GNAO1: variants seen among roughly 807,000 people sequenced by gnomAD.
GNAO1 encodes guanine nucleotide-binding protein G(o) subunit alpha.
For missense variants in GNAO1, 166 were observed against 478.7 expected (o/e 0.35, Z 6.10); for synonymous variants, 164 against 180.7 (o/e 0.91, Z 0.74).
intron 2 of GNAO1, among the ~76,000 whole-genome samples, chr16:56,209,892 C>T (rs2036370244): frequency 6.6e-6 from 1 of 151,976 alleles, no homozygotes; most frequent in Non-Finnish European, 1.5e-5. Flanking sequence ...TATACTGGCG[C>T]ATTATAATCA....
At chr16:56,228,112 A>G (rs1318895996) in intron 2 of GNAO1, among the ~76,000 whole-genome samples, 2 of 152,210 alleles carry the variant, frequency 1.3e-5, no homozygotes, top group East Asian at 1.9e-4. Context: ...AGCCCTGAGC[A>G]TGATGCCAGG....
intron 2 of GNAO1, among the ~76,000 whole-genome samples, chr16:56,250,885 G>A (rs1219998536): frequency 2.0e-5 from 3 of 152,206 alleles, no homozygotes; most frequent in Admixed American, 2.0e-4. Flanking sequence ...AACCATTGTG[G>A]TTTTGGGGAA....
intron 2 of GNAO1, among the ~76,000 whole-genome samples, chr16:56,218,696 C>T (rs1293528506): frequency 1.3e-5 from 2 of 152,182 alleles, no homozygotes; most frequent in African/African-American, 4.8e-5. Flanking sequence ...CCACACTGGT[C>T]TTCCATCCGT....
At chr16:56,234,523 T>C (rs1288945756) in intron 2 of GNAO1, among the ~76,000 whole-genome samples, 1 of 152,230 alleles carries the variant, frequency 6.6e-6, no homozygotes, top group Non-Finnish European at 1.5e-5. Context: ...CCCATGAGGC[T>C]CTAATAGCCA....
chr16:56,224,401 T>C (rs2036516578), intron 2 of GNAO1, among the ~76,000 whole-genome samples: 1 of 152,196 alleles, frequency 6.6e-6, no homozygotes, highest in African/African-American at 2.4e-5. Flanking sequence ...TAGATGCCCA[T>C]GGCCCACTCA....
At chr16:56,320,004 C>T (rs1195643240) in intron 3 of GNAO1, among the ~76,000 whole-genome samples, 3 of 152,174 alleles carry the variant, frequency 2.0e-5, no homozygotes, top group Non-Finnish European at 4.4e-5. Context: ...AGTGAGATAT[C>T]ATTTAACCAG....
At chr16:56,197,271 T>C (rs938670963) in intron 2 of GNAO1, among the ~76,000 whole-genome samples, 1 of 152,214 alleles carries the variant, frequency 6.6e-6, no homozygotes, top group African/African-American at 2.4e-5. Flanking sequence ...TTTGTAGACT[T>C]GTTATTTCTG....
intron 6 of GNAO1, among the ~76,000 whole-genome samples, chr16:56,342,385 G>C (rs1388468659): frequency 6.6e-6 from 1 of 152,222 alleles, no homozygotes; most frequent in Non-Finnish European, 1.5e-5. Context: ...CTGAACTCCA[G>C]CTCCCCTCCC....
rs1789715189 is a variant in GNAO1, at chr16:56,357,301, A to C, written c.*1227A>C. On this transcript the variant is annotated 3_prime_UTR_variant, in exon 9 of 9. Coordinates refer to ENST00000262493, the MANE Select transcript of GNAO1 (RefSeq NM_020988.3). Reference sequence around the variant, plus strand: ...AAAAAAACTTAAAAAAAAAAGGAAAAAAGAAAAAAAAGCCCACGGGTCTTT... The same window carrying C: ...AAAAAAACTTAAAAAAAAAAGGAAACAAGAAAAAAAAGCCCACGGGTCTTT... 2 of 152,268 alleles carry C rather than the reference A, an allele frequency of 1.3e-5. No homozygotes were observed. Among genetic ancestry groups the C allele is most frequent in the South Asian group, 4.1e-4 (2 of 4,832 alleles). The allele number at this position is 152,268 out of a possible 1,614,324, so 9.4% of individuals were successfully genotyped here.
At chr16:56,296,785 GA>G (rs2143573061) in intron 3 of GNAO1, among the ~76,000 whole-genome samples, 1 of 152,340 alleles carries the variant, frequency 6.6e-6, no homozygotes, top group East Asian at 1.9e-4. Context: ...CAGAGCCCGT[GA>G]TGGGACCAGG....
intron 2 of GNAO1, among the ~76,000 whole-genome samples, chr16:56,215,516 T>C (rs1417072493): frequency 6.6e-6 from 1 of 152,158 alleles, no homozygotes; most frequent in Non-Finnish European, 1.5e-5. Flanking sequence ...GGTTTGAGGA[T>C]GATATGAAAC....
chr16:56,225,551 C>G (rs1359079987), intron 2 of GNAO1, among the ~76,000 whole-genome samples: 1 of 152,192 alleles, frequency 6.6e-6, no homozygotes, highest in Non-Finnish European at 1.5e-5. Context: ...AAGTCAACAT[C>G]TGTGTGTGTG....
intron 4 of GNAO1, among the ~76,000 whole-genome samples, chr16:56,333,297 C>T (rs2037708692): frequency 6.6e-6 from 1 of 151,600 alleles, no homozygotes; most frequent in Admixed American, 6.6e-5. Context: ...ACTGCAACCT[C>T]CGCCTCCTGG....
chr16:56,209,663 A>G (rs1269986476), intron 2 of GNAO1, among the ~76,000 whole-genome samples: 2 of 152,184 alleles, frequency 1.3e-5, no homozygotes, highest in African/African-American at 4.8e-5. Flanking sequence ...AATTTTTCCC[A>G]TGAAGAGCTC....
At chr16:56,192,751 C>CAA in intron 2 of GNAO1, 135 bp downstream of exon 2, 1 of 647,810 alleles carries the variant, frequency 1.5e-6, no homozygotes, top group East Asian at 2.8e-5. Context: ...CACACACACA[C>CAA]CCCTATATTT....
At chr16:56,322,790 G>A (rs900184106) in intron 3 of GNAO1, among the ~76,000 whole-genome samples, 24 of 152,242 alleles carry the variant, frequency 1.6e-4, no homozygotes, top group Admixed American at 1.3e-3. Flanking sequence ...CCCACCTGCC[G>A]TAATCATTAA....
chr16:56,225,982 C>T (rs1037760258), intron 2 of GNAO1, among the ~76,000 whole-genome samples: 21 of 151,684 alleles, frequency 1.4e-4, no homozygotes, highest in Non-Finnish European at 4.4e-5. Context: ...GCTTTCCAAG[C>T]AGAAGGAACA....
intron 3 of GNAO1, among the ~76,000 whole-genome samples, chr16:56,325,202 C>T (rs1355225923): frequency 2.6e-5 from 4 of 152,220 alleles, no homozygotes; most frequent in African/African-American, 4.8e-5. Flanking sequence ...TGCAGCTGGG[C>T]GCTGTGGCTC....
At chr16:56,333,662 C>A (rs1189657221) in intron 4 of GNAO1, among the ~76,000 whole-genome samples, 1 of 152,252 alleles carries the variant, frequency 6.6e-6, no homozygotes, top group African/African-American at 2.4e-5. Flanking sequence ...TCTGCCCTTT[C>A]CAGCCCTGTG....
Sources: allele counts gnomAD v4.1 joint callset (sites outside exome capture counted in the v4.1 genomes callset), GRCh38; gene constraint gnomAD v4.1.1; transcripts MANE v1.5; gene names NCBI Gene and HGNC (gene_info 2026-07-23, HGNC 2026-07-21).